Variants in SEC22C observed in about 807,000 individuals in gnomAD.
SEC22C encodes the protein SEC22 homolog C, vesicle trafficking protein.
In SEC22C, 29 loss-of-function variants were observed where a neutral mutation model predicts 34.7. The ratio of observed to expected loss-of-function variants is 0.84; its 90% confidence interval spans 0.62 to 1.14. The LOEUF is 1.14. Among genes scored for constraint, SEC22C ranks in the 50% most tolerant of loss-of-function variants. The pLI, the probability that SEC22C is intolerant of heterozygous loss-of-function variation, is 0.00. For synonymous variants in SEC22C, 117 were observed against 132.8 expected (o/e 0.88, Z 0.82); for missense variants, 337 against 369.0 (o/e 0.91, Z 0.71).
At chr3:42,583,470 C>T (rs138853812), upstream of SEC22C, among the ~76,000 whole-genome samples, 305 of 152,286 alleles carry the variant, frequency 2.0e-3, 1 homozygote, top group African/African-American at 7.0e-3. Flanking sequence ...ATATGGAGAA[C>T]ACTGGAAGAG....
chr3:42,597,009 C>A (rs1281601093), intron 1 of SEC22C, among the ~76,000 whole-genome samples: 1 of 152,228 alleles, frequency 6.6e-6, no homozygotes, highest in Non-Finnish European at 1.5e-5. Context: ...CCTTTCCTTT[C>A]ATGAATCCAT....
At chr3:42,560,724 G>A (rs1177418501) in intron 4 of SEC22C, among the ~76,000 whole-genome samples, 26 of 151,798 alleles carry the variant, frequency 1.7e-4, no homozygotes, top group Non-Finnish European at 1.6e-4. Context: ...CTGCAGCCTC[G>A]ACTTCCCGGG....
At chr3:42,589,531 G>C (rs893320130) in intron 1 of SEC22C, among the ~76,000 whole-genome samples, 1 of 152,170 alleles carries the variant, frequency 6.6e-6, no homozygotes, top group Non-Finnish European at 1.5e-5. Context: ...CAGGGGACCG[G>C]TACCGCATAG....
At chr3:42,590,617 T>G in intron 1 of SEC22C, among the ~76,000 whole-genome samples, 1 of 148,570 alleles carries the variant, frequency 6.7e-6, no homozygotes, top group East Asian at 2.0e-4. Flanking sequence ...AGCCTAACAC[T>G]GGAGGTGCTG....
At chr3:42,560,184 T>C (rs1702811481) in intron 4 of SEC22C, among the ~76,000 whole-genome samples, 2 of 145,378 alleles carry the variant, frequency 1.4e-5, no homozygotes, top group African/African-American at 5.0e-5. Flanking sequence ...ATATATAATA[T>C]ATATATTATA....
At chr3:42,590,709 A>C (rs749339870) in intron 1 of SEC22C, 72 of 657,930 alleles carry the variant, frequency 1.1e-4, no homozygotes, top group Non-Finnish European at 1.7e-4. Flanking sequence ...GGATACGAAA[A>C]CGCCCCCGGC....
At chr3:42,572,562 C>T (rs1559525368) in intron 1 of SEC22C, among the ~76,000 whole-genome samples, 1 of 152,206 alleles carries the variant, frequency 6.6e-6, no homozygotes, top group Non-Finnish European at 1.5e-5. Context: ...CAATGATGAG[C>T]AGCCCCTTTC....
At chr3:42,594,586 T>G in intron 1 of SEC22C, 8 of 1,287,014 alleles carry the variant, frequency 6.2e-6, no homozygotes, top group Non-Finnish European at 8.9e-6. Context: ...TCTTACAAAA[T>G]GGAGACAGGG....
Position 42,567,131 on chromosome 3 carries a change from G to C in SEC22C, c.182+1734C>G, listed in dbSNP as rs1703299306. On this transcript the variant is annotated intron_variant, in intron 2 of 6. Coordinates refer to ENST00000264454, the MANE Select transcript of SEC22C (RefSeq NM_032970.4). ...TTATCATATTGCCCAGGCTGGTCTT[G>C]AACTTCGCGATCTTCCCGCCTCAGC... Among the ~76,000 whole-genome samples the C allele has an allele frequency of 2.0e-5, 3 of 152,268 alleles. No homozygotes were observed. The South Asian group carries it at 6.2e-4, about 32-fold the overall frequency.
At chr3:42,584,930 C>A (rs1704563026), upstream of SEC22C, among the ~76,000 whole-genome samples, 1 of 152,046 alleles carries the variant, frequency 6.6e-6, no homozygotes, top group African/African-American at 2.4e-5. Context: ...GGTCAGGGAC[C>A]AGCCTGTCCA....
At chr3:42,553,764 A>AGCTGCAGACAGCCAG (rs1702367348) in intron 6 of SEC22C, among the ~76,000 whole-genome samples, 1 of 152,222 alleles carries the variant, frequency 6.6e-6, no homozygotes, top group African/African-American at 2.4e-5. Context: ...GCTGCACATA[A>AGCTGCAGACAGCCAG]GCTGCAGACA....
intron 1 of SEC22C, among the ~76,000 whole-genome samples, chr3:42,570,492 A>G (rs1343998776): frequency 1.3e-5 from 2 of 152,224 alleles, no homozygotes; most frequent in Non-Finnish European, 2.9e-5. Flanking sequence ...CAGTGATATA[A>G]AAACACAAAG....
upstream of SEC22C, among the ~76,000 whole-genome samples, chr3:42,586,582 GT>G (rs771842136): frequency 7.9e-5 from 9 of 113,418 alleles, no homozygotes; most frequent in South Asian, 6.6e-4. Flanking sequence ...TTCAGTCACT[GT>G]TTAAAAAAAA....
At chr3:42,567,743 T>C (rs1179287518) in intron 2 of SEC22C, among the ~76,000 whole-genome samples, 1 of 152,206 alleles carries the variant, frequency 6.6e-6, no homozygotes, top group Non-Finnish European at 1.5e-5. Context: ...TACTCTCACT[T>C]ATTTTTCACT....
rs1027001193 is a variant in SEC22C at position 42,560,540 on chromosome 3, A to G, written c.526+577T>C. On this transcript the variant is annotated intron_variant, in intron 4 of 6. Coordinates refer to ENST00000264454, the MANE Select transcript of SEC22C (RefSeq NM_032970.4). The stretch of plus-strand genomic sequence containing the variant: ...TGAAAAAAAAAAAAAGAAGAAGAAG[A>G]AGGAAAAGAAAAACAAAAGTAACCT... Among the ~76,000 whole-genome samples, 8 of 151,070 alleles carry G rather than the reference A, an allele frequency of 5.3e-5. No homozygotes were observed. In the East Asian group the frequency reaches 5.8e-4, roughly 11 times the overall value.
intron 1 of SEC22C, among the ~76,000 whole-genome samples, chr3:42,598,388 C>T (rs924263247): frequency 4.7e-5 from 7 of 148,384 alleles, no homozygotes; most frequent in South Asian, 2.1e-4. Context: ...AGTGCAGTGG[C>T]GCAATCTCGG....
chr3:42,560,172 T>TTATATATAATATATATATTA lies in SEC22C; in HGVS notation c.526+925_526+944dup, dbSNP rs1277791821. On this transcript the variant is annotated intron_variant, in intron 4 of 6. Coordinates refer to ENST00000264454, the MANE Select transcript of SEC22C (RefSeq NM_032970.4). ...TTGTTTTATATATATTATATATATT[T>TTATATATAATATATATATTA]TATATATAATATATATATTATATAT... is the stretch of plus-strand genomic sequence containing the variant. Among the ~76,000 whole-genome samples the TTATATATAATATATATATTA allele has an allele frequency of 1.9e-4, 28 of 145,482 alleles. No homozygotes were observed. The Admixed American group carries it at 1.9e-3, about 10-fold the overall frequency.
chr3:42,568,811 T>C (rs1461735953), intron 2 of SEC22C, 54 bp downstream of exon 2: 3 of 1,501,202 alleles, frequency 2.0e-6, no homozygotes, highest in Non-Finnish European at 2.8e-6. Flanking sequence ...TACATGTAGT[T>C]AAAAGTAATC....
At chr3:42,562,843 G>A (rs1039407101) in intron 3 of SEC22C, among the ~76,000 whole-genome samples, 2 of 152,142 alleles carry the variant, frequency 1.3e-5, no homozygotes, top group Non-Finnish European at 2.9e-5. Flanking sequence ...TAGAAAAGAA[G>A]TATCATTTTT....
Sources: allele counts gnomAD v4.1 joint callset (sites outside exome capture counted in the v4.1 genomes callset), GRCh38; gene constraint gnomAD v4.1.1; transcripts MANE v1.5; gene names NCBI Gene and HGNC (gene_info 2026-07-23, HGNC 2026-07-21).